Variants in SKIC3 observed in about 807,000 individuals in gnomAD.
The protein encoded by SKIC3 is superkiller complex protein 3.
chr5:95,465,878 T>A, the SKIC3 span, among the ~76,000 whole-genome samples: 1 of 152,194 alleles, frequency 6.6e-6, no homozygotes, highest in Non-Finnish European at 1.5e-5. Flanking sequence ...AAAGATAGAC[T>A]AGAACAAAGA....
At chr5:95,542,871 C>G in the SKIC3 span, among the ~76,000 whole-genome samples, 1 of 151,882 alleles carries the variant, frequency 6.6e-6, no homozygotes, top group African/African-American at 2.4e-5. Flanking sequence ...TTTCTTTTTC[C>G]TCAGGTAAGC....
At chr5:95,506,299 G>A in the SKIC3 span, among the ~76,000 whole-genome samples, 1 of 152,136 alleles carries the variant, frequency 6.6e-6, no homozygotes, top group Non-Finnish European at 1.5e-5. Flanking sequence ...CTAATCCTAA[G>A]ACATCAAAGT....
chr5:95,528,772 T>C, the SKIC3 span: 1 of 519,650 alleles, frequency 1.9e-6, no homozygotes, highest in Non-Finnish European at 3.5e-6. Flanking sequence ...ACTATGTCAA[T>C]ATTCCAAATG....
the SKIC3 span, chr5:95,469,795 C>A: frequency 1.2e-6 from 2 of 1,613,826 alleles, no homozygotes; most frequent in Admixed American, 1.7e-5. Context: ...CCCCATTTTG[C>A]GTTTGAATTG....
At chr5:95,499,446 C>G in the SKIC3 span, among the ~76,000 whole-genome samples, 1 of 152,180 alleles carries the variant, frequency 6.6e-6, no homozygotes, top group Non-Finnish European at 1.5e-5. Flanking sequence ...TGCCATACTT[C>G]CTGTGCAGCC....
At chr5:95,535,380 G>A in the SKIC3 span, among the ~76,000 whole-genome samples, 8 of 141,714 alleles carry the variant, frequency 5.6e-5, no homozygotes, top group Non-Finnish European at 7.5e-5. Flanking sequence ...GCGCTATCTC[G>A]GCTCACTGCA....
chr5:95,554,437 A>C, the SKIC3 span, among the ~76,000 whole-genome samples: 1 of 152,222 alleles, frequency 6.6e-6, no homozygotes, highest in Admixed American at 6.5e-5. Flanking sequence ...ATTCTGCAGC[A>C]AAACAATGAT....
chr5:95,530,199 C>T, the SKIC3 span: 1 of 1,613,574 alleles, frequency 6.2e-7, no homozygotes, highest in Non-Finnish European at 8.5e-7. Flanking sequence ...TAATCTACAA[C>T]AATACTGCTG....
the SKIC3 span, among the ~76,000 whole-genome samples, chr5:95,525,149 C>T: frequency 6.6e-6 from 1 of 152,126 alleles, no homozygotes; most frequent in Non-Finnish European, 1.5e-5. Flanking sequence ...TCCCAAAGTA[C>T]TGAGATTACA....
the SKIC3 span, among the ~76,000 whole-genome samples, chr5:95,475,404 G>C: frequency 3.9e-5 from 6 of 152,074 alleles, no homozygotes; most frequent in Admixed American, 3.9e-4. Flanking sequence ...AAGAGATCTG[G>C]TTTTCAAAAG....
the SKIC3 span, among the ~76,000 whole-genome samples, chr5:95,479,782 G>A: frequency 6.6e-6 from 1 of 151,552 alleles, no homozygotes; most frequent in Non-Finnish European, 1.5e-5. Context: ...CCGCAGATAA[G>A]GTAGGACTAC....
chr5:95,541,383 T>G, the SKIC3 span: 1 of 1,613,360 alleles, frequency 6.2e-7, no homozygotes, highest in South Asian at 1.1e-5. Context: ...TGTCAACACT[T>G]AGAACAAAAC....
the SKIC3 span, chr5:95,513,420 T>C: frequency 1.3e-6 from 1 of 798,652 alleles, no homozygotes; most frequent in Non-Finnish European, 2.1e-6. Context: ...TTGTCCAGGC[T>C]GGCCTCAAGC....
the SKIC3 span, among the ~76,000 whole-genome samples, chr5:95,508,784 A>C: frequency 2.0e-5 from 3 of 152,236 alleles, no homozygotes; most frequent in African/African-American, 7.2e-5. Context: ...CAAAATAATC[A>C]GTGCCAAGAA....
the SKIC3 span, among the ~76,000 whole-genome samples, chr5:95,548,210 G>C: frequency 6.6e-6 from 1 of 151,842 alleles, no homozygotes; most frequent in African/African-American, 2.4e-5. Context: ...ACAAAGCTGG[G>C]GTAAATATTA....
the SKIC3 span, among the ~76,000 whole-genome samples, chr5:95,526,874 T>C: frequency 1.3e-5 from 2 of 152,210 alleles, no homozygotes; most frequent in African/African-American, 4.8e-5. Flanking sequence ...TTAGACAGAA[T>C]ACTTCAACAA....
chr5:95,534,074 T>A, the SKIC3 span, among the ~76,000 whole-genome samples: 1 of 151,874 alleles, frequency 6.6e-6, no homozygotes, highest in Non-Finnish European at 1.5e-5. Flanking sequence ...ATAACAACAG[T>A]AACAGCAGAA....
chr5:95,530,184 T>C, the SKIC3 span: 5 of 1,613,670 alleles, frequency 3.1e-6, no homozygotes, highest in East Asian at 6.7e-5. Context: ...TGAATCCATT[T>C]CCACTAATCT....
the SKIC3 span, chr5:95,527,863 G>C: frequency 1.2e-6 from 1 of 803,436 alleles, no homozygotes; most frequent in Non-Finnish European, 2.0e-6. Flanking sequence ...GTTCCCAAAT[G>C]TATGAATGAC....
Sources: allele counts gnomAD v4.1 joint callset (sites outside exome capture counted in the v4.1 genomes callset), GRCh38; gene constraint gnomAD v4.1.1; transcripts MANE v1.5; gene names NCBI Gene and HGNC (gene_info 2026-07-23, HGNC 2026-07-21).